The following PCDHGC4 variants were observed in gnomAD, a reference collection of about 807,000 sequenced individuals.
PCDHGC4 encodes the protein protocadherin gamma-C4.
A neutral mutation model predicts 59.7 loss-of-function variants in PCDHGC4; 15 were observed. That is an observed-to-expected ratio of 0.25 (90% CI 0.17 to 0.39). The LOEUF (loss-of-function observed/expected upper bound fraction) is 0.39, where lower values mean the gene tolerates loss of function less well. PCDHGC4 is among the 10% of genes least tolerant of loss of function. The pLI is 1.00. For synonymous variants in PCDHGC4, 434 were observed against 481.4 expected, an observed-to-expected ratio of 0.90 and a Z score of 1.29; for missense variants, 1,016 against 1,189.5, an observed-to-expected ratio of 0.85 and a Z score of 2.15.
intron 1 of PCDHGC4, among the ~76,000 whole-genome samples, chr5:141,492,876 G>A (rs2099744774): frequency 6.6e-6 from 1 of 152,184 alleles, no homozygotes; most frequent in African/African-American, 2.4e-5. Context: ...TCAACCCCCA[G>A]AGATACAGGC....
At position 141,491,267 on chromosome 5, in the gene PCDHGC4, A is replaced by C. The variant is rs1376540913; in HGVS notation, c.2443-3540A>C. ...GATGAGGACCCTGAGGAAATGCCCA[A>C]ATCCAGTGACTTCCTCATACACCCT... On this transcript the variant is annotated intron_variant, in intron 1 of 3. Coordinates refer to ENST00000306593, the MANE Select transcript of PCDHGC4 (RefSeq NM_018928.3). This position sits in a 1 kb window ranked among gnomAD's most constrained non-coding sequence, Gnocchi z 6.9. The C allele has an allele frequency of 2.5e-6, 4 of 1,613,944 alleles. No individual in the cohort carries two copies. The highest frequency in any genetic ancestry group is 3.4e-6 in the Non-Finnish European group (4 of 1,179,936).
chr5:141,490,906 G>C lies in PCDHGC4; in HGVS notation c.2442+3291G>C. On this transcript the variant is annotated intron_variant, in intron 1 of 3. Transcript: ENST00000306593. The surrounding 1 kb of genome is among the most constrained non-coding windows in gnomAD (Gnocchi z 5.4). ...CACATCTCTGCATGTGTTTGTCCTA[G>C]ACGAGAATGATAATGCCCCAGCTGT... The C allele has an allele frequency of 1.9e-6, 3 of 1,613,798 alleles. No individual in the cohort carries two copies. The highest frequency in any genetic ancestry group is 2.5e-6 in the Non-Finnish European group (3 of 1,179,808).
In PCDHGC4 at chr5:141,511,308, G is replaced by A. The variant is rs76613492; in HGVS notation, c.*135G>A. ...AGGGGCCAAGGCCATGCTCCCCTTG[G>A]GAAACAGAAACAAGTGCCCAGTCAG... is the stretch of plus-strand genomic sequence containing the variant. On this transcript the variant is annotated 3_prime_UTR_variant, in exon 4 of 4. Coordinates refer to ENST00000306593, the MANE Select transcript of PCDHGC4 (RefSeq NM_018928.3). 1.1e-3 allele frequency: 1,589 copies of A among 1,487,716 alleles called. 16 individuals carry two copies. In the African/African-American group the frequency reaches 0.021, roughly 19 times the overall value. The allele number at this position is 1,487,716 out of a possible 1,614,324, so 92.2% of individuals were successfully genotyped here.
At position 141,485,122 on chromosome 5, in the gene PCDHGC4, G is replaced by A. The variant is rs1000179570; in HGVS notation, c.-52G>A. The A allele has an allele frequency of 1.4e-6, 2 of 1,387,624 alleles. No individual in the cohort carries two copies. The highest frequency in any genetic ancestry group is 1.4e-5 in the African/African-American group (1 of 70,566). 86.0% of individuals were successfully genotyped at this position (1,387,624 alleles called of 1,614,324 possible). A position where few individuals can be genotyped will look rare whatever the true frequency, so the allele number is the denominator to read the frequency against. Reference sequence around the variant, plus strand: ...CAGCTGCTGTGGCTGTTTGGGGCGGGTCGGCTTCATCCGCGTCTCAGGAGC... The same window carrying A: ...CAGCTGCTGTGGCTGTTTGGGGCGGATCGGCTTCATCCGCGTCTCAGGAGC... On this transcript the variant is annotated 5_prime_UTR_variant, in exon 1 of 4. Coordinates refer to ENST00000306593, the MANE Select transcript of PCDHGC4 (RefSeq NM_018928.3). The surrounding 1 kb of genome is among the most constrained non-coding windows in gnomAD (Gnocchi z 5.7).
chr5:141,511,135 G>A lies in PCDHGC4; in HGVS notation c.2779G>A (p.Gly927Ser), dbSNP rs200541479. Residue 927 changes from glycine to serine, a missense_variant, in exon 4 of 4, where the codon GGC becomes AGC. Physicochemically the swap from Gly to Ser is moderately conservative, Grantham distance 56. Coordinates refer to ENST00000306593, the MANE Select transcript of PCDHGC4 (RefSeq NM_018928.3). The stretch of plus-strand genomic sequence containing the variant: ...TGGCAAGGCCCCAGCAGGTGGCAAT[G>A]GCAACAAGAAGAAGTCGGGCAAGAA... ...RDGKAPAGGN[G>S]NKKKSGKKEK... 2.8e-4 allele frequency: 448 copies of A among 1,614,188 alleles called. No homozygotes were observed. Among genetic ancestry groups the A allele is most frequent in the Non-Finnish European group, 3.0e-4 (352 of 1,180,016 alleles).
intron 3 of PCDHGC4, among the ~76,000 whole-genome samples, chr5:141,507,760 T>G (rs2099863136): frequency 6.6e-6 from 1 of 152,202 alleles, no homozygotes; most frequent in Non-Finnish European, 1.5e-5. Context: ...GCCTCCCACC[T>G]TTGGCCCACA....
chr5:141,492,005 C>T (rs1444993907), intron 1 of PCDHGC4: 2 of 642,268 alleles, frequency 3.1e-6, no homozygotes, highest in Admixed American at 7.4e-5. Flanking sequence ...GGGCGATTTC[C>T]GCGGGTGTCG....
chr5:141,508,409 G>T (rs143032030), intron 3 of PCDHGC4: 4 of 152,276 alleles, frequency 2.6e-5, no homozygotes, highest in South Asian at 2.1e-4. Context: ...CTTGAGCCAC[G>T]CAGAGACTTG....
In PCDHGC4 at chr5:141,485,867, G is replaced by T; in HGVS notation, c.694G>T (p.Val232Leu). The T allele has an allele frequency of 6.2e-7, 1 of 1,614,164 alleles. No homozygotes were observed. Among genetic ancestry groups the T allele is most frequent in the Non-Finnish European group, 8.5e-7 (1 of 1,180,040 alleles). Residue 232 changes from valine to leucine, a missense_variant, in exon 1 of 4, where the codon GTG becomes TTG. Transcript: ENST00000306593. The surrounding 1 kb of genome is among the most constrained non-coding windows in gnomAD (Gnocchi z 5.7). Reference protein sequence around the residue: ...RSGTAELRVSVLDVNDNAPAF... With the variant: ...RSGTAELRVSLLDVNDNAPAF... ...TGGCACCGCAGAGCTCCGGGTATCC[G>T]TGCTGGACGTAAACGACAACGCCCC...
rs2099883762 is a variant in PCDHGC4, at chr5:141,511,396, C to T, written c.*223C>T. 9.8e-7 allele frequency: 1 copy of T among 1,016,834 alleles called. No homozygotes were observed. Among genetic ancestry groups the T allele is most frequent in the South Asian group, 1.7e-5 (1 of 58,996 alleles). The allele number at this position is 1,016,834 out of a possible 1,614,324, so 63.0% of individuals were successfully genotyped here. ...AAGCAGTTCCGCTGGGAACCCCCAT[C>T]CAATCAACTGCTGTACCCATGGGGG... On this transcript the variant is annotated 3_prime_UTR_variant, in exon 4 of 4. Coordinates refer to ENST00000306593, the MANE Select transcript of PCDHGC4 (RefSeq NM_018928.3).
chr5:141,505,302 G>GTAC, intron 2 of PCDHGC4, 91 bp from the exon 3 acceptor site: 5 of 1,592,714 alleles, frequency 3.1e-6, no homozygotes, highest in Non-Finnish European at 4.3e-6. Context: ...TAGGGTTAGG[G>GTAC]TACTAGGTTT....
chr5:141,492,461 G>T (rs1218833302), intron 1 of PCDHGC4, among the ~76,000 whole-genome samples: 1 of 152,212 alleles, frequency 6.6e-6, no homozygotes, highest in Non-Finnish European at 1.5e-5. Flanking sequence ...CGCGCCTGAG[G>T]GTCCCAGATC....
At position 141,511,648 on chromosome 5, in the gene PCDHGC4, G is replaced by T. The variant is rs553080689; in HGVS notation, c.*475G>T. The T allele has an allele frequency of 1.4e-5, 3 of 214,700 alleles. No homozygotes were observed. Among genetic ancestry groups the T allele is most frequent in the East Asian group, 2.1e-4 (2 of 9,414 alleles). The allele number at this position is 214,700 out of a possible 1,614,324, so 13.3% of individuals were successfully genotyped here. A position where few individuals can be genotyped will look rare whatever the true frequency, so the allele number is the denominator to read the frequency against. On this transcript the variant is annotated 3_prime_UTR_variant, in exon 4 of 4. Coordinates refer to ENST00000306593, the MANE Select transcript of PCDHGC4 (RefSeq NM_018928.3). ...AGTTGGAAGGGCATCATGACCTCTTGGCCTCTCCTTTGATTCTCAATCTTC... is the reference window on the plus strand; with the variant it reads ...AGTTGGAAGGGCATCATGACCTCTTTGCCTCTCCTTTGATTCTCAATCTTC...
At chr5:141,496,164 C>T (rs745320704) in intron 2 of PCDHGC4, among the ~76,000 whole-genome samples, 1 of 152,084 alleles carries the variant, frequency 6.6e-6, no homozygotes, top group Non-Finnish European at 1.5e-5. Context: ...CCACCAGACA[C>T]CCTCCCATCC....
intron 2 of PCDHGC4, among the ~76,000 whole-genome samples, chr5:141,497,781 C>T (rs2099779421): frequency 1.3e-5 from 2 of 152,192 alleles, no homozygotes; most frequent in African/African-American, 4.8e-5. Flanking sequence ...CTCAACTGAT[C>T]CACCTGCTTC....
chr5:141,489,431 T>C lies in PCDHGC4; in HGVS notation c.2442+1816T>C. 6.2e-7 allele frequency: 1 copy of C among 1,614,132 alleles called. No individual in the cohort carries two copies. Among genetic ancestry groups the C allele is most frequent in the Non-Finnish European group, 8.5e-7 (1 of 1,180,024 alleles). On this transcript the variant is annotated intron_variant, in intron 1 of 3. Transcript: ENST00000306593. This position sits in a 1 kb window ranked among gnomAD's most constrained non-coding sequence, Gnocchi z 4.5. ...ATGACAGATCTGTTGAGCCGGCGGC[T>C]GCAATTGGGCTCTGAGGAGAATGGG...
At position 141,490,479 on chromosome 5, in the gene PCDHGC4, C is replaced by T; in HGVS notation, c.2442+2864C>T. 11 of 1,614,216 alleles carry T rather than the reference C, an allele frequency of 6.8e-6. No homozygotes were observed. Among genetic ancestry groups the T allele is most frequent in the Non-Finnish European group, 9.3e-6 (11 of 1,180,032 alleles). ...CGCTGCTAACCAGCCAGCCTTTGGACCGGGAGGCCACATCCCACTATATCA... is the reference window on the plus strand; with the variant it reads ...CGCTGCTAACCAGCCAGCCTTTGGATCGGGAGGCCACATCCCACTATATCA... On this transcript the variant is annotated intron_variant, in intron 1 of 3. Coordinates refer to ENST00000306593, the MANE Select transcript of PCDHGC4 (RefSeq NM_018928.3). This position sits in a 1 kb window ranked among gnomAD's most constrained non-coding sequence, Gnocchi z 5.4.
intron 2 of PCDHGC4, among the ~76,000 whole-genome samples, chr5:141,502,988 C>A (rs1285178746): frequency 6.7e-6 from 1 of 150,346 alleles, no homozygotes; most frequent in Non-Finnish European, 1.5e-5. Flanking sequence ...GGATTACAGG[C>A]GTGTGCCACC....
At position 141,487,505 on chromosome 5, in the gene PCDHGC4, G is replaced by GTA; in HGVS notation, c.2332_2333insTA (p.Ala778ValfsTer10). The GTA allele has an allele frequency of 1.2e-6, 2 of 1,614,200 alleles. No homozygotes were observed. The highest frequency in any genetic ancestry group is 1.7e-6 in the Non-Finnish European group (2 of 1,180,032). ...TCATGGCTGTACACCCTTGGCTTCTGCACCCACTCGGAGTGATAGCTTCAT... is the reference window on the plus strand; with the variant it reads ...TCATGGCTGTACACCCTTGGCTTCTGTACACCCACTCGGAGTGATAGCTTCAT... On this transcript the variant is annotated frameshift_variant, in exon 1 of 4. Coordinates refer to ENST00000306593, the MANE Select transcript of PCDHGC4 (RefSeq NM_018928.3). LOFTEE classifies it high-confidence loss of function. This position sits in a 1 kb window ranked among gnomAD's most constrained non-coding sequence, Gnocchi z 5.0.
Sources: gnomAD v4.1 joint callset for allele counts (sites outside exome capture counted in the v4.1 genomes callset) on GRCh38, gnomAD v4.1.1 for gene constraint, Gnocchi (gnomAD v3.1) non-coding constraint, MANE v1.5 for transcripts, NCBI Gene and HGNC (gene_info 2026-07-23, HGNC 2026-07-21) for gene names.